The following SMPD3 variants were observed in gnomAD, a reference collection of about 807,000 sequenced individuals.
SMPD3 encodes nSMase-2.
Under a neutral mutation model 55.7 loss-of-function variants are expected in SMPD3, and 21 were observed. The ratio of observed to expected loss-of-function variants is 0.38; its 90% CI spans 0.27 to 0.54. The LOEUF (loss-of-function observed/expected upper bound fraction) is 0.54. SMPD3 is among the 20% of genes least tolerant of loss of function. The pLI is 0.80. For missense variants in SMPD3, 842 were observed against 899.6 expected, an observed-to-expected ratio of 0.94 and a Z score of 0.82; for synonymous variants, 457 against 404.3, an observed-to-expected ratio of 1.13 and a Z score of -1.56.
intron 1 of SMPD3, among the ~76,000 whole-genome samples, chr16:68,412,982 T>C (rs1352065004): frequency 6.6e-6 from 1 of 152,218 alleles, no homozygotes; most frequent in Non-Finnish European, 1.5e-5. Flanking sequence ...ATTATCTATG[T>C]CATTTTATAG....
At chr16:68,421,296 C>A (rs537802076) in intron 1 of SMPD3, among the ~76,000 whole-genome samples, 15 of 152,358 alleles carry the variant, frequency 9.8e-5, no homozygotes, top group Admixed American at 2.0e-4. Context: ...CACCTGCTTT[C>A]TGTGGCTCTG....
At chr16:68,382,973 T>A (rs1567793928) in intron 2 of SMPD3, among the ~76,000 whole-genome samples, 1 of 152,130 alleles carries the variant, frequency 6.6e-6, no homozygotes. Context: ...GCCTCCCGAG[T>A]ATCTGGGATT....
At chr16:68,427,095 C>T (rs1012491731) in intron 1 of SMPD3, among the ~76,000 whole-genome samples, 2 of 148,278 alleles carry the variant, frequency 1.3e-5, no homozygotes, top group African/African-American at 5.0e-5. Context: ...CTCCGGGGTT[C>T]GAGCGGTTCT....
At chr16:68,444,775 A>T (rs1317939691) in intron 1 of SMPD3, among the ~76,000 whole-genome samples, 1 of 152,236 alleles carries the variant, frequency 6.6e-6, no homozygotes, top group Non-Finnish European at 1.5e-5. Flanking sequence ...AGGTGGTTCA[A>T]TTTATGAGGC....
chr16:68,429,784 T>C (rs1195492912), intron 1 of SMPD3, among the ~76,000 whole-genome samples: 1 of 152,146 alleles, frequency 6.6e-6, no homozygotes, highest in Admixed American at 6.5e-5. Flanking sequence ...AAGCAGTGTG[T>C]CCTTTCTTAG....
intron 1 of SMPD3, among the ~76,000 whole-genome samples, chr16:68,418,422 C>T (rs1235446577): frequency 6.6e-6 from 1 of 150,702 alleles, no homozygotes; most frequent in Non-Finnish European, 1.5e-5. Context: ...TTAACCAAGA[C>T]GATGCAAATC....
intron 2 of SMPD3, among the ~76,000 whole-genome samples, chr16:68,375,620 GGA>G (rs1365831087): frequency 3.3e-5 from 5 of 150,058 alleles, no homozygotes. Context: ...AGGGTGTAGA[GGA>G]GAGAGACTCT....
intron 1 of SMPD3, among the ~76,000 whole-genome samples, chr16:68,414,488 G>A (rs1363433442): frequency 6.6e-6 from 1 of 152,214 alleles, no homozygotes; most frequent in African/African-American, 2.4e-5. Context: ...GAGGGGGTTT[G>A]GGAGATGGAG....
intron 1 of SMPD3, among the ~76,000 whole-genome samples, chr16:68,427,413 G>T (rs2152027758): frequency 6.6e-6 from 1 of 152,326 alleles, no homozygotes; most frequent in East Asian, 1.9e-4. Context: ...TCTAGTGAAA[G>T]AATTGGGACC....
At chr16:68,395,441 GAAAT>G (rs1322121509) in intron 1 of SMPD3, among the ~76,000 whole-genome samples, 1 of 152,244 alleles carries the variant, frequency 6.6e-6, no homozygotes, top group East Asian at 1.9e-4. Context: ...CTTGCAGAGT[GAAAT>G]AGTTTTTTTA....
At chr16:68,383,528 C>T (rs1325828313) in intron 2 of SMPD3, among the ~76,000 whole-genome samples, 1 of 152,144 alleles carries the variant, frequency 6.6e-6, no homozygotes, top group Admixed American at 6.5e-5. Context: ...CACTTGCTGC[C>T]CCTTGGTCCT....
At position 68,445,557 on chromosome 16, in the gene SMPD3, C is replaced by T. The variant is rs542899783; in HGVS notation, c.-269+2796G>A. On this transcript the variant is annotated intron_variant, in intron 1 of 8. Transcript: ENST00000219334. ...CCCAATAGAAAGATTTGTGATTTTA[C>T]CTGACAATGCTCACACTCACTCTGA... Among the ~76,000 whole-genome samples, 6 of 152,306 alleles carry T rather than the reference C, an allele frequency of 3.9e-5. No homozygotes were observed. In the South Asian group the frequency reaches 1.2e-3, roughly 32 times the overall value.
rs201950344 is a variant in SMPD3 at position 68,426,781 on chromosome 16, G to T, written c.-269+21572C>A. On this transcript the variant is annotated intron_variant, in intron 1 of 8. Coordinates refer to ENST00000219334, the MANE Select transcript of SMPD3 (RefSeq NM_018667.4). ...TCATACGGATTCAGCCTCACACTGGGCTGTTCAACTTTTTATTAATAACAA... is the reference window on the plus strand; with the variant it reads ...TCATACGGATTCAGCCTCACACTGGTCTGTTCAACTTTTTATTAATAACAA... Among the ~76,000 whole-genome samples, 281 of 152,212 alleles carry T rather than the reference G, an allele frequency of 1.8e-3. 2 individuals are homozygous for T. Among genetic ancestry groups the T allele is most frequent in the Non-Finnish European group, 3.2e-3 (218 of 68,008 alleles).
chr16:68,414,790 G>A (rs1389731837), intron 1 of SMPD3, among the ~76,000 whole-genome samples: 1 of 152,240 alleles, frequency 6.6e-6, no homozygotes, highest in Non-Finnish European at 1.5e-5. Flanking sequence ...GCTGCCGGGA[G>A]GGGAAGGCTC....
chr16:68,365,198 C>T, intron 3 of SMPD3, 106 bp from the exon 4 acceptor site: 2 of 1,138,190 alleles, frequency 1.8e-6, no homozygotes, highest in Non-Finnish European at 2.6e-6. Flanking sequence ...CCTCACAAGC[C>T]TGGCTCCTGG....
intron 1 of SMPD3, among the ~76,000 whole-genome samples, chr16:68,440,909 T>C (rs1261296977): frequency 2.0e-5 from 3 of 152,246 alleles, no homozygotes; most frequent in African/African-American, 7.2e-5. Flanking sequence ...CTGTGCACAA[T>C]GCAGTTAGCT....
At chr16:68,440,023 T>A (rs1403853063) in intron 1 of SMPD3, among the ~76,000 whole-genome samples, 1 of 152,194 alleles carries the variant, frequency 6.6e-6, no homozygotes, top group African/African-American at 2.4e-5. Flanking sequence ...GAGAAGAACA[T>A]GAAAGATTGT....
intron 1 of SMPD3, among the ~76,000 whole-genome samples, chr16:68,387,669 G>A (rs1169081415): frequency 6.6e-6 from 1 of 152,226 alleles, no homozygotes; most frequent in African/African-American, 2.4e-5. Context: ...GCCCAGCACA[G>A]CCAGGGCTGT....
chr16:68,430,907 C>T (rs2090474884), intron 1 of SMPD3, among the ~76,000 whole-genome samples: 1 of 152,200 alleles, frequency 6.6e-6, no homozygotes, highest in Non-Finnish European at 1.5e-5. Context: ...AGTGGATAGA[C>T]ATGCCCTATT....
Sources: allele counts gnomAD v4.1 joint callset (sites outside exome capture counted in the v4.1 genomes callset), GRCh38; gene constraint gnomAD v4.1.1; transcripts MANE v1.5; gene names NCBI Gene and HGNC (gene_info 2026-07-23, HGNC 2026-07-21).